Variants in NALF1 observed in about 807,000 individuals in gnomAD.
The protein encoded by NALF1 is NALCN channel auxiliary factor 1, also known as family with sequence similarity 155 member A.
A neutral mutation model predicts 48.4 loss-of-function variants in NALF1; 3 were observed. That is an observed-to-expected ratio of 0.06 (90% confidence interval 0.03 to 0.16). The LOEUF (loss-of-function observed/expected upper bound fraction) is 0.16, where lower values mean the gene tolerates loss of function less well. Ranked by LOEUF, NALF1 falls within the 10% of genes least tolerant of loss-of-function variation. NALF1 has a pLI of 1.00. For synonymous variants in NALF1, 262 were observed against 245.7 expected, an observed-to-expected ratio of 1.07 and a Z score of -0.62; for missense variants, 526 against 571.5, an observed-to-expected ratio of 0.92 and a Z score of 0.81.
intron 1 of NALF1, among the ~76,000 whole-genome samples, chr13:107,391,603 C>G (rs1231226986): frequency 6.6e-6 from 1 of 152,078 alleles, no homozygotes; most frequent in East Asian, 1.9e-4. Context: ...TCTCTGAAGT[C>G]GTCTATCTGA....
intron 1 of NALF1, among the ~76,000 whole-genome samples, chr13:107,686,712 A>C (rs9520552): frequency 0.31 from 47,396 of 151,964 alleles, 7,640 homozygotes; most frequent in East Asian, 0.42. Flanking sequence ...TCAATATAAC[A>C]ATCATCAAAG....
At chr13:107,684,985 G>A (rs1049126156) in intron 1 of NALF1, among the ~76,000 whole-genome samples, 2 of 152,086 alleles carry the variant, frequency 1.3e-5, no homozygotes, top group Admixed American at 6.6e-5. Flanking sequence ...GTCATCTACC[G>A]TAGTTACTGG....
rs144443973 is a variant in NALF1 at position 107,651,398 on chromosome 13, G to A, written c.915+214284C>T. ...AACTCAATTTTTTGTTACCTTATTT[G>A]AATAAATATCTGAGATTTTCATCAG... On this transcript the variant is annotated intron_variant, in intron 1 of 2. Coordinates refer to ENST00000375915, the MANE Select transcript of NALF1 (RefSeq NM_001080396.3). 4.8e-3 allele frequency among the ~76,000 whole-genome samples: 727 copies of A among 152,286 alleles called. 3 individuals carry two copies. The highest frequency in any genetic ancestry group is 0.031 in the Middle Eastern group (9 of 294).
chr13:107,607,813 C>G (rs930959398), intron 1 of NALF1, among the ~76,000 whole-genome samples: 1 of 152,146 alleles, frequency 6.6e-6, no homozygotes, highest in Non-Finnish European at 1.5e-5. Flanking sequence ...AGCCACCACA[C>G]AGGGCTTCAT....
At chr13:107,337,587 C>G (rs1052058967) in intron 1 of NALF1, among the ~76,000 whole-genome samples, 16 of 152,284 alleles carry the variant, frequency 1.1e-4, no homozygotes, top group African/African-American at 3.8e-4. Context: ...CCACTCAACA[C>G]TCATGTCCTT....
At chr13:107,824,252 G>T (rs1337977410) in intron 1 of NALF1, among the ~76,000 whole-genome samples, 3 of 151,892 alleles carry the variant, frequency 2.0e-5, no homozygotes, top group African/African-American at 7.3e-5. Flanking sequence ...TTAATATAGG[G>T]ACCATATCAC....
At chr13:107,759,789 A>G (rs189378677) in intron 1 of NALF1, among the ~76,000 whole-genome samples, 1 of 150,356 alleles carries the variant, frequency 6.7e-6, no homozygotes, top group Non-Finnish European at 1.5e-5. Context: ...TCTGGGACTT[A>G]GTTAATTGAA....
In NALF1 at chr13:107,167,015, A is replaced by C. The variant is rs1177978774; in HGVS notation, c.*3482T>G. The C allele has an allele frequency of 6.6e-6, 1 of 152,196 alleles. No individual in the cohort carries two copies. The highest frequency in any genetic ancestry group is 2.4e-5 in the African/African-American group (1 of 41,448). The allele number at this position is 152,196 out of a possible 1,614,324, so 9.4% of individuals were successfully genotyped here. ...CAAGAAAAGTTCAATATAACGTATC[A>C]CCAAATGTAAATGCAATAAAGAATG... On this transcript the variant is annotated 3_prime_UTR_variant, in exon 3 of 3. Coordinates refer to ENST00000375915, the MANE Select transcript of NALF1 (RefSeq NM_001080396.3).
intron 1 of NALF1, chr13:107,465,870 G>GTTT (rs1160427957): frequency 6.6e-6 from 1 of 152,284 alleles, no homozygotes; most frequent in African/African-American, 2.4e-5. Context: ...GGGTGAGCAA[G>GTTT]TTTCCTCAAG....
intron 2 of NALF1, among the ~76,000 whole-genome samples, chr13:107,172,228 T>G (rs1274493459): frequency 6.6e-6 from 1 of 152,256 alleles, no homozygotes; most frequent in Non-Finnish European, 1.5e-5. Flanking sequence ...CCCTGGGCTA[T>G]TAGCATTTTG....
intron 1 of NALF1, among the ~76,000 whole-genome samples, chr13:107,522,914 G>C (rs1876294289): frequency 2.0e-5 from 3 of 151,922 alleles, no homozygotes; most frequent in Non-Finnish European, 2.9e-5. Context: ...CACCGTGCCT[G>C]GCCCCTCCAG....
In NALF1 at chr13:107,767,942, G is replaced by A. The variant is rs184327959; in HGVS notation, c.915+97740C>T. On this transcript the variant is annotated intron_variant, in intron 1 of 2. Coordinates refer to ENST00000375915, the MANE Select transcript of NALF1 (RefSeq NM_001080396.3). ...TATGAAGTAGAGACACGTTGAGAAA[G>A]TAAGGACTACCCGGAATGATCCCCG... 5.0e-3 allele frequency among the ~76,000 whole-genome samples: 768 copies of A among 152,240 alleles called. 5 individuals carry two copies. Among genetic ancestry groups the A allele is most frequent in the Non-Finnish European group, 8.5e-3 (579 of 68,014 alleles).
At chr13:107,634,247 T>TC (rs1047756358) in intron 1 of NALF1, among the ~76,000 whole-genome samples, 3 of 151,928 alleles carry the variant, frequency 2.0e-5, no homozygotes, top group African/African-American at 4.8e-5. Context: ...TTTACTCTCC[T>TC]CCCCCTTCTA....
intron 1 of NALF1, among the ~76,000 whole-genome samples, chr13:107,233,728 A>G (rs145141084): frequency 2.0e-5 from 3 of 152,336 alleles, no homozygotes; most frequent in Non-Finnish European, 4.4e-5. Context: ...GCAACAATCA[A>G]TACTGTACTA....
intron 1 of NALF1, among the ~76,000 whole-genome samples, chr13:107,292,099 T>C (rs1419709342): frequency 6.6e-6 from 1 of 152,238 alleles, no homozygotes; most frequent in Non-Finnish European, 1.5e-5. Context: ...CCAGGCTATA[T>C]GGCATACAGC....
chr13:107,334,748 C>T (rs1882525978), intron 1 of NALF1, among the ~76,000 whole-genome samples: 1 of 152,100 alleles, frequency 6.6e-6, no homozygotes, highest in Admixed American at 6.6e-5. Flanking sequence ...GCTGTTCACA[C>T]TAATTAGAAG....
intron 1 of NALF1, among the ~76,000 whole-genome samples, chr13:107,313,617 C>T (rs7993090): frequency 4.6e-5 from 7 of 152,196 alleles, no homozygotes; most frequent in African/African-American, 9.6e-5. Context: ...GTCATCCCTC[C>T]GCTCACCTGA....
At chr13:107,766,552 T>C (rs911541777) in intron 1 of NALF1, among the ~76,000 whole-genome samples, 1 of 152,220 alleles carries the variant, frequency 6.6e-6, no homozygotes, top group African/African-American at 2.4e-5. Flanking sequence ...CTCAAATATC[T>C]GCTGCGTTAA....
Position 107,752,834 on chromosome 13 carries a change from T to C in NALF1, c.915+112848A>G, listed in dbSNP as rs569544557. On this transcript the variant is annotated intron_variant, in intron 1 of 2. Transcript: ENST00000375915. The stretch of plus-strand genomic sequence containing the variant: ...TAATTGACAAAGGCCAGGACATACG[T>C]AAACCTGTTTGTGCTTTTCTAATAG... Among the ~76,000 whole-genome samples the C allele has an allele frequency of 2.6e-5, 4 of 152,316 alleles. No individual in the cohort carries two copies. The East Asian group carries it at 7.7e-4, about 29-fold the overall frequency.
Sources: gnomAD v4.1 joint callset for allele counts (sites outside exome capture counted in the v4.1 genomes callset) on GRCh38, gnomAD v4.1.1 for gene constraint, MANE v1.5 for transcripts, NCBI Gene and HGNC (gene_info 2026-07-23, HGNC 2026-07-21) for gene names.